MACROD2: variants seen among roughly 807,000 people sequenced by gnomAD.
The protein encoded by MACROD2 is ADP-ribose glycohydrolase MACROD2.
Under a neutral mutation model 70.4 loss-of-function variants are expected in MACROD2, and 36 were observed. That is an observed-to-expected ratio of 0.51 (90% CI 0.39 to 0.68). The LOEUF (loss-of-function observed/expected upper bound fraction) is 0.68, where lower values mean the gene tolerates loss of function less well. MACROD2 is among the 30% of genes least tolerant of loss of function. MACROD2 has a pLI of 0.00. For synonymous variants in MACROD2, 172 were observed against 178.8 expected (o/e 0.96, Z 0.30); for missense variants, 496 against 538.4 (o/e 0.92, Z 0.78).
chr20:15,980,468 T>C (rs1223018538), intron 13 of MACROD2, among the ~76,000 whole-genome samples: 1 of 152,162 alleles, frequency 6.6e-6, no homozygotes, highest in Non-Finnish European at 1.5e-5. Context: ...TGCTGAAGCA[T>C]TTTGGTGAAC....
intron 5 of MACROD2, among the ~76,000 whole-genome samples, chr20:14,857,352 C>A (rs558990541): frequency 1.3e-5 from 2 of 152,330 alleles, no homozygotes; most frequent in African/African-American, 2.4e-5. Flanking sequence ...ATCTGACAGA[C>A]CTGAACAAGG....
chr20:15,082,115 T>G (rs1252822839), intron 5 of MACROD2, among the ~76,000 whole-genome samples: 5 of 152,166 alleles, frequency 3.3e-5, no homozygotes, highest in Admixed American at 6.6e-5. Context: ...CCAGCTCTCT[T>G]TCCTCATTGT....
intron 3 of MACROD2, among the ~76,000 whole-genome samples, chr20:14,091,623 AAAT>A (rs533499612): frequency 5.3e-5 from 8 of 152,134 alleles, no homozygotes; most frequent in South Asian, 2.1e-4. Context: ...TGGTCAATCA[AAAT>A]AATAATAATA....
At chr20:14,715,885 G>GA (rs2071392024) in intron 5 of MACROD2, among the ~76,000 whole-genome samples, 1 of 152,066 alleles carries the variant, frequency 6.6e-6, no homozygotes, top group African/African-American at 2.4e-5. Flanking sequence ...TGCTGAAACA[G>GA]AAAAAATGAT....
At position 15,021,256 on chromosome 20, in the gene MACROD2, A is replaced by ACACACCTGTGTGTATACG. The variant is rs2075178448; in HGVS notation, c.419-208671_419-208670insATACGCACACCTGTGTGT. On this transcript the variant is annotated intron_variant, in intron 5 of 17. Transcript: ENST00000684519. ...TACACACACCTGTGTGTATGTATACACACACCTGTGTGTGTGTATACGCAC... is the reference window on the plus strand; with the variant it reads ...TACACACACCTGTGTGTATGTATACACACACCTGTGTGTATACGCACACCTGTGTGTGTGTATACGCAC... Among the ~76,000 whole-genome samples the ACACACCTGTGTGTATACG allele has an allele frequency of 1.7e-4, 14 of 83,806 alleles. 2 individuals carry two copies. The highest frequency in any genetic ancestry group is 6.0e-4 in the African/African-American group (14 of 23,340). The allele number at this position is 83,806 out of a possible 152,430, so 55.0% of individuals were successfully genotyped here.
intron 8 of MACROD2, among the ~76,000 whole-genome samples, chr20:15,529,192 T>C (rs2146543176): frequency 6.6e-6 from 1 of 152,264 alleles, no homozygotes; most frequent in African/African-American, 2.4e-5. Flanking sequence ...TAGACAGTTC[T>C]TGTTCTCAGT....
intron 4 of MACROD2, among the ~76,000 whole-genome samples, chr20:14,597,081 C>T (rs1034145698): frequency 6.6e-6 from 1 of 152,100 alleles, no homozygotes; most frequent in East Asian, 1.9e-4. Context: ...CCCTTATTAA[C>T]TTTTATTGTA....
chr20:15,588,764 CCA>C (rs2048638076), intron 8 of MACROD2, among the ~76,000 whole-genome samples: 1 of 152,198 alleles, frequency 6.6e-6, no homozygotes, highest in Non-Finnish European at 1.5e-5. Context: ...CCATCTGAGA[CCA>C]CCTCAGCCTT....
At chr20:14,801,338 C>T (rs2072573136) in intron 5 of MACROD2, among the ~76,000 whole-genome samples, 1 of 152,102 alleles carries the variant, frequency 6.6e-6, no homozygotes, top group Non-Finnish European at 1.5e-5. Context: ...AGTCCGTGGA[C>T]CATAATCATT....
intron 7 of MACROD2, among the ~76,000 whole-genome samples, chr20:15,494,955 T>C (rs952718578): frequency 1.3e-5 from 2 of 152,150 alleles, no homozygotes; most frequent in Non-Finnish European, 2.9e-5. Context: ...AAGCACAGAA[T>C]CTGTGTGCAC....
chr20:14,857,939 G>A (rs1274766702), intron 5 of MACROD2, among the ~76,000 whole-genome samples: 2 of 152,044 alleles, frequency 1.3e-5, no homozygotes, highest in African/African-American at 4.8e-5. Flanking sequence ...TCCTGCCTCA[G>A]CCTCCCGAGT....
chr20:15,781,481 A>G (rs1197480635), intron 8 of MACROD2, among the ~76,000 whole-genome samples: 1 of 152,144 alleles, frequency 6.6e-6, no homozygotes. Flanking sequence ...GAAGTCCAAG[A>G]TCAAGATGCT....
In MACROD2 at chr20:15,840,230, C is replaced by T. The variant is rs114857922; in HGVS notation, c.646-22515C>T. On this transcript the variant is annotated intron_variant, in intron 8 of 17. Coordinates refer to ENST00000684519, the MANE Select transcript of MACROD2 (RefSeq NM_001351661.2). ...AGCAGCAGTTACAGCATCTATCCAG[C>T]GAGGACAATAAGAACTACTTTACCT... 5.2e-3 allele frequency among the ~76,000 whole-genome samples: 791 copies of T among 152,256 alleles called. 7 individuals are homozygous for T. Among genetic ancestry groups the T allele is most frequent in the African/African-American group, 0.018 (753 of 41,558 alleles).
chr20:15,745,182 A>T (rs1378337485), intron 8 of MACROD2, among the ~76,000 whole-genome samples: 1 of 152,222 alleles, frequency 6.6e-6, no homozygotes, highest in East Asian at 1.9e-4. Flanking sequence ...AAATATAAAT[A>T]TTCTTGCTGT....
At chr20:14,056,991 T>A (rs2053637693) in intron 2 of MACROD2, among the ~76,000 whole-genome samples, 1 of 152,242 alleles carries the variant, frequency 6.6e-6, no homozygotes, top group Non-Finnish European at 1.5e-5. Context: ...ATAATATATT[T>A]TATTCTTCAT....
intron 6 of MACROD2, among the ~76,000 whole-genome samples, chr20:15,284,071 A>G (rs1022176882): frequency 5.3e-5 from 8 of 152,188 alleles, no homozygotes; most frequent in Admixed American, 3.9e-4. Flanking sequence ...AAAATTTAAT[A>G]TTAAATTTCT....
At chr20:15,954,054 C>T (rs1568664830) in intron 12 of MACROD2, among the ~76,000 whole-genome samples, 1 of 152,064 alleles carries the variant, frequency 6.6e-6, no homozygotes, top group Non-Finnish European at 1.5e-5. Flanking sequence ...TGTTTGAACC[C>T]TATATAAATG....
intron 5 of MACROD2, among the ~76,000 whole-genome samples, chr20:14,957,248 A>C (rs1315954493): frequency 6.6e-6 from 1 of 152,006 alleles, no homozygotes; most frequent in Non-Finnish European, 1.5e-5. Context: ...TCATTTTCAT[A>C]ATTTCTTAGT....
At chr20:14,269,835 G>C (rs1435438083) in intron 3 of MACROD2, among the ~76,000 whole-genome samples, 1 of 151,540 alleles carries the variant, frequency 6.6e-6, no homozygotes, top group Non-Finnish European at 1.5e-5. Context: ...TTTTTAAAGA[G>C]TGTTTTTGGA....
Sources: gnomAD v4.1 joint callset for allele counts (sites outside exome capture counted in the v4.1 genomes callset) on GRCh38, gnomAD v4.1.1 for gene constraint, MANE v1.5 for transcripts, NCBI Gene and HGNC (gene_info 2026-07-23, HGNC 2026-07-21) for gene names.